Variants in MKLN1 observed in about 807,000 individuals in gnomAD.
MKLN1 encodes muskelin 1.
A neutral mutation model predicts 99.0 loss-of-function variants in MKLN1; 18 were observed. The observed-to-expected ratio is 0.18, with a 90% CI of 0.13 to 0.27. The LOEUF is 0.27. Among genes scored for constraint, MKLN1 ranks in the 10% least tolerant of loss-of-function variants. MKLN1 has a pLI of 1.00. For synonymous variants in MKLN1, 288 were observed against 293.2 expected, an observed-to-expected ratio of 0.98 and a Z score of 0.18; for missense variants, 621 against 875.9, an observed-to-expected ratio of 0.71 and a Z score of 3.67.
chr7:131,371,765 C>CATATATAT (rs149627807), intron 1 of MKLN1, among the ~76,000 whole-genome samples: 36 of 147,720 alleles, frequency 2.4e-4, no homozygotes, highest in African/African-American at 8.4e-4. Flanking sequence ...ACATATATAA[C>CATATATAT]ATATATATAT....
At chr7:131,119,610 G>C (rs914013246) in intron 1 of MKLN1, among the ~76,000 whole-genome samples, 4 of 152,178 alleles carry the variant, frequency 2.6e-5, no homozygotes, top group Non-Finnish European at 5.9e-5. Context: ...CTTCTGCCTG[G>C]ACATCCAGAC....
intron 3 of MKLN1, among the ~76,000 whole-genome samples, chr7:131,284,659 C>T (rs774689532): frequency 6.6e-6 from 1 of 152,156 alleles, no homozygotes; most frequent in Non-Finnish European, 1.5e-5. Context: ...ATAGGGTGGG[C>T]CCTTTCTAAG....
chr7:131,392,923 T>A (rs892933642), intron 4 of MKLN1, among the ~76,000 whole-genome samples: 1 of 151,496 alleles, frequency 6.6e-6, no homozygotes, highest in Admixed American at 6.6e-5. Flanking sequence ...TTTTTTTTTT[T>A]AAGAGGCAGA....
At chr7:131,189,297 A>G (rs1796499426) in intron 2 of MKLN1, among the ~76,000 whole-genome samples, 1 of 152,188 alleles carries the variant, frequency 6.6e-6, no homozygotes, top group Non-Finnish European at 1.5e-5. Flanking sequence ...ATTTTTTTTA[A>G]CTTACTAGCC....
At chr7:131,193,377 A>T (rs1044842577) in intron 2 of MKLN1, among the ~76,000 whole-genome samples, 6 of 152,052 alleles carry the variant, frequency 3.9e-5, no homozygotes, top group South Asian at 2.1e-4. Flanking sequence ...TATTATTATT[A>T]TTTTTTGAGA....
At chr7:131,322,557 CTTTTT>C (rs574246814) in intron 3 of MKLN1, among the ~76,000 whole-genome samples, 60 of 95,090 alleles carry the variant, frequency 6.3e-4, no homozygotes, top group African/African-American at 2.0e-3. Flanking sequence ...CTGCCAAACA[CTTTTT>C]TTTTTTTTTT....
chr7:131,127,549 G>C (rs1040537771), intron 1 of MKLN1, among the ~76,000 whole-genome samples: 2 of 152,206 alleles, frequency 1.3e-5, no homozygotes, highest in Non-Finnish European at 2.9e-5. Context: ...TGGAGACAGG[G>C]GATATGTGTT....
chr7:131,293,598 C>T (rs767285984), intron 3 of MKLN1, among the ~76,000 whole-genome samples: 15 of 152,102 alleles, frequency 9.9e-5, no homozygotes, highest in Non-Finnish European at 1.8e-4. Context: ...CACCTGAGGC[C>T]AGGAATTCCA....
chr7:131,213,901 T>G (rs917909184), intron 3 of MKLN1, among the ~76,000 whole-genome samples: 13 of 152,220 alleles, frequency 8.5e-5, no homozygotes, highest in African/African-American at 3.1e-4. Flanking sequence ...AGTCTGAGCT[T>G]TCTTTTTCTT....
intron 1 of MKLN1, among the ~76,000 whole-genome samples, chr7:131,352,374 G>A (rs1210914569): frequency 2.0e-5 from 3 of 152,112 alleles, no homozygotes; most frequent in Non-Finnish European, 4.4e-5. Flanking sequence ...GATACTTAAT[G>A]TTACCAGATT....
At chr7:131,197,704 T>C (rs903032012) in intron 2 of MKLN1, among the ~76,000 whole-genome samples, 1 of 152,088 alleles carries the variant, frequency 6.6e-6, no homozygotes, top group Non-Finnish European at 1.5e-5. Context: ...CAAACTCTCT[T>C]TCATTTTCCC....
chr7:131,185,364 G>A (rs2116368494), intron 2 of MKLN1, among the ~76,000 whole-genome samples: 1 of 151,628 alleles, frequency 6.6e-6, no homozygotes, highest in South Asian at 2.1e-4. Context: ...GATCACCTGA[G>A]GTCAGAAGTT....
intron 10 of MKLN1, among the ~76,000 whole-genome samples, chr7:131,439,302 A>G (rs1490832660): frequency 2.0e-5 from 3 of 151,392 alleles, no homozygotes; most frequent in African/African-American, 7.3e-5. Flanking sequence ...TTTTTTTTAC[A>G]GGTTGAAAAA....
intron 2 of MKLN1, among the ~76,000 whole-genome samples, chr7:131,164,187 C>G (rs142536900): frequency 6.6e-6 from 1 of 152,218 alleles, no homozygotes; most frequent in African/African-American, 2.4e-5. Flanking sequence ...TCTAAGCTCA[C>G]TGCAACCTCT....
intron 12 of MKLN1, among the ~76,000 whole-genome samples, chr7:131,459,658 T>C: frequency 6.6e-6 from 1 of 152,206 alleles, no homozygotes; most frequent in East Asian, 1.9e-4. Context: ...TTTGGAAGCT[T>C]TTAGAATTTT....
chr7:131,280,105 G>A (rs1371624455), intron 3 of MKLN1, among the ~76,000 whole-genome samples: 3 of 152,122 alleles, frequency 2.0e-5, no homozygotes, highest in African/African-American at 4.8e-5. Flanking sequence ...TTGTTTTCCA[G>A]GTTCATCCAT....
chr7:131,261,796 C>A (rs1797734787), intron 3 of MKLN1, among the ~76,000 whole-genome samples: 1 of 152,218 alleles, frequency 6.6e-6, no homozygotes, highest in Non-Finnish European at 1.5e-5. Flanking sequence ...TACATCTACA[C>A]TATGGAATAC....
Position 131,487,456 on chromosome 7 carries a change from T to C in MKLN1, c.2087-151T>C, listed in dbSNP as rs1372879729. 1.4e-6 allele frequency: 1 copy of C among 728,710 alleles called. No individual in the cohort carries two copies. The highest frequency in any genetic ancestry group is 1.8e-5 in the African/African-American group (1 of 54,802). The allele number at this position is 728,710 out of a possible 1,614,324, so 45.1% of individuals were successfully genotyped here. On this transcript the variant is annotated intron_variant, in intron 17 of 17. Transcript: ENST00000352689. The surrounding 1 kb of genome is among the most constrained non-coding windows in gnomAD (Gnocchi z 4.7). ...TATCTAAGATCACACCACAGCCAGG[T>C]AGTAGAACTGGGGTCAGATCAGTAG...
intron 12 of MKLN1, among the ~76,000 whole-genome samples, chr7:131,449,723 C>T (rs1247945480): frequency 6.6e-6 from 1 of 151,890 alleles, no homozygotes; most frequent in Admixed American, 6.6e-5. Flanking sequence ...TTCCCATGTC[C>T]CTTTTACTCC....
Sources: gnomAD v4.1 joint callset for allele counts (sites outside exome capture counted in the v4.1 genomes callset) on GRCh38, gnomAD v4.1.1 for gene constraint, Gnocchi (gnomAD v3.1) non-coding constraint, MANE v1.5 for transcripts, NCBI Gene and HGNC (gene_info 2026-07-23, HGNC 2026-07-21) for gene names.